The following MARCHF1 variants were observed in gnomAD, a reference collection of about 807,000 sequenced individuals.
MARCHF1 encodes E3 ubiquitin-protein ligase MARCHF1.
In MARCHF1, 40 loss-of-function variants were observed where a neutral mutation model predicts 54.2. The observed-to-expected ratio is 0.74, with a 90% CI of 0.57 to 0.96. The LOEUF (loss-of-function observed/expected upper bound fraction) is 0.96, where lower values mean the gene tolerates loss of function less well. Among genes scored for constraint, MARCHF1 ranks in the 40% least tolerant of loss-of-function variants. The pLI is 0.00. For synonymous variants in MARCHF1, 236 were observed against 236.3 expected, an observed-to-expected ratio of 1.00 and a Z score of 0.01; for missense variants, 586 against 656.5, an observed-to-expected ratio of 0.89 and a Z score of 1.17.
intron 2 of MARCHF1, among the ~76,000 whole-genome samples, chr4:164,100,267 A>C (rs961811094): frequency 1.3e-5 from 2 of 152,222 alleles, no homozygotes; most frequent in Non-Finnish European, 2.9e-5. Context: ...TTCACCTGGC[A>C]GATTAATTAC....
At chr4:163,865,029 A>G (rs1463464716) in intron 3 of MARCHF1, among the ~76,000 whole-genome samples, 1 of 151,968 alleles carries the variant, frequency 6.6e-6, no homozygotes, top group Non-Finnish European at 1.5e-5. Flanking sequence ...TGGACTTAAA[A>G]TAAGCCAGGT....
chr4:164,359,036 CA>C (rs1008004786), intron 1 of MARCHF1, among the ~76,000 whole-genome samples: 1 of 151,998 alleles, frequency 6.6e-6, no homozygotes, highest in Non-Finnish European at 1.5e-5. Flanking sequence ...AAAAAACTGA[CA>C]AATTACAAAA....
chr4:163,797,331 GTA>G (rs1005984233), intron 4 of MARCHF1, among the ~76,000 whole-genome samples: 4 of 107,860 alleles, frequency 3.7e-5, no homozygotes, highest in South Asian at 3.9e-4. Flanking sequence ...GATACGGTGT[GTA>G]TGTGTGTGTG....
At chr4:163,865,003 CA>C (rs1199291395) in intron 3 of MARCHF1, among the ~76,000 whole-genome samples, 1 of 151,804 alleles carries the variant, frequency 6.6e-6, no homozygotes, top group Non-Finnish European at 1.5e-5. Context: ...TTTCATTTTT[CA>C]AAAGTACTCA....
chr4:163,579,250 A>G (rs1003787736), intron 8 of MARCHF1, among the ~76,000 whole-genome samples: 2 of 152,238 alleles, frequency 1.3e-5, no homozygotes, highest in Non-Finnish European at 2.9e-5. Context: ...TCACACTGCA[A>G]TATTATTTTA....
chr4:164,102,976 TA>T (rs1488236764), intron 2 of MARCHF1, among the ~76,000 whole-genome samples: 1 of 129,528 alleles, frequency 7.7e-6, no homozygotes, highest in Admixed American at 8.1e-5. Flanking sequence ...TAGTCTCTGA[TA>T]AAACAGACTT....
At chr4:163,559,664 G>A (rs1739404585) in intron 8 of MARCHF1, among the ~76,000 whole-genome samples, 1 of 152,220 alleles carries the variant, frequency 6.6e-6, no homozygotes, top group Admixed American at 6.5e-5. Context: ...ATCTGCACTT[G>A]TGTCCTATGT....
chr4:163,583,150 G>T (rs1441545562), intron 8 of MARCHF1, among the ~76,000 whole-genome samples: 1 of 152,206 alleles, frequency 6.6e-6, no homozygotes, highest in African/African-American at 2.4e-5. Flanking sequence ...GAAAGAGAGG[G>T]AAGGCTGAGA....
intron 3 of MARCHF1, among the ~76,000 whole-genome samples, chr4:163,942,956 G>A (rs754559594): frequency 3.3e-5 from 5 of 151,578 alleles, no homozygotes; most frequent in Non-Finnish European, 5.9e-5. Context: ...GAACAAAATG[G>A]ATACACTAGT....
chr4:164,107,185 T>A lies in MARCHF1; in HGVS notation c.-248+4403A>T, dbSNP rs1395490512. Among the ~76,000 whole-genome samples the A allele has an allele frequency of 2.6e-5, 4 of 152,186 alleles. 1 individual carries two copies. Among genetic ancestry groups the A allele is most frequent in the Non-Finnish European group, 5.9e-5 (4 of 68,026 alleles). ...TAAAAAAATTATCTAATTTTGTACT[T>A]CCCTAGTTAGTGCCATTTGTCATAT... On this transcript the variant is annotated intron_variant, in intron 2 of 9. Transcript: ENST00000514618.
chr4:164,121,032 AC>A, intron 1 of MARCHF1, among the ~76,000 whole-genome samples: 1 of 152,076 alleles, frequency 6.6e-6, no homozygotes, highest in Middle Eastern at 3.4e-3. Flanking sequence ...TATCAAGGAA[AC>A]AAAAAGTTGT....
chr4:164,362,377 A>T (rs751188105), intron 1 of MARCHF1, among the ~76,000 whole-genome samples: 4 of 152,160 alleles, frequency 2.6e-5, no homozygotes, highest in African/African-American at 9.7e-5. Flanking sequence ...GATGATCAAC[A>T]ATCATTTTTA....
At chr4:164,041,809 T>C (rs577343600) in intron 2 of MARCHF1, among the ~76,000 whole-genome samples, 3 of 152,170 alleles carry the variant, frequency 2.0e-5, no homozygotes, top group Admixed American at 6.5e-5. Flanking sequence ...TTGAGAAGCA[T>C]TGATCTAAAG....
chr4:164,227,936 T>G (rs1732305072), intron 1 of MARCHF1, among the ~76,000 whole-genome samples: 1 of 152,146 alleles, frequency 6.6e-6, no homozygotes, highest in Admixed American at 6.6e-5. Context: ...TTATTTCCCT[T>G]TATTGCTTCC....
intron 3 of MARCHF1, among the ~76,000 whole-genome samples, chr4:163,923,565 T>C (rs1306807280): frequency 6.6e-6 from 1 of 152,114 alleles, no homozygotes; most frequent in Admixed American, 6.6e-5. Context: ...GGAAGAAGGA[T>C]ACTATCTTAT....
chr4:164,074,381 T>A (rs1433175829), intron 2 of MARCHF1, among the ~76,000 whole-genome samples: 1 of 152,192 alleles, frequency 6.6e-6, no homozygotes, highest in Non-Finnish European at 1.5e-5. Flanking sequence ...ATTTCCAGAG[T>A]ATGTAACAGG....
At chr4:163,959,327 C>T (rs945685799) in intron 3 of MARCHF1, among the ~76,000 whole-genome samples, 3 of 127,962 alleles carry the variant, frequency 2.3e-5, no homozygotes, top group Non-Finnish European at 5.2e-5. Context: ...ACAACAACAA[C>T]AACAAAAAAA....
intron 7 of MARCHF1, among the ~76,000 whole-genome samples, chr4:163,599,297 T>TTATATATATATA (rs150458467): frequency 0.023 from 3,391 of 146,650 alleles, 125 homozygotes; most frequent in East Asian, 0.13. Flanking sequence ...CTCAAAAAAA[T>TTATATATATATA]TATATATATA....
chr4:164,325,438 A>G (rs1207502474), intron 1 of MARCHF1, among the ~76,000 whole-genome samples: 4 of 151,670 alleles, frequency 2.6e-5, no homozygotes, highest in Non-Finnish European at 5.9e-5. Context: ...TAATACTGAA[A>G]TAACTTGCTA....
Sources: gnomAD v4.1 joint callset for allele counts (sites outside exome capture counted in the v4.1 genomes callset) on GRCh38, gnomAD v4.1.1 for gene constraint, MANE v1.5 for transcripts, NCBI Gene and HGNC (gene_info 2026-07-23, HGNC 2026-07-21) for gene names.